The following FBXO34 variants were observed in gnomAD, a reference collection of about 807,000 sequenced individuals.
FBXO34 encodes F-box only protein 34.
Under a neutral mutation model 24.5 loss-of-function variants are expected in FBXO34, and 12 were observed. The observed-to-expected ratio is 0.49, with a 90% confidence interval of 0.31 to 0.79. The LOEUF is 0.79. FBXO34 is among the 30% of genes least tolerant of loss of function. The probability of loss-of-function intolerance (pLI) is 0.04; values close to 1 mark genes in which losing one functional copy is unlikely to be tolerated. For synonymous variants in FBXO34, 320 were observed against 311.9 expected (o/e 1.03, Z -0.27); for missense variants, 823 against 857.7 (o/e 0.96, Z 0.51).
At chr14:55,311,069 A>G (rs1882722102) in intron 1 of FBXO34, among the ~76,000 whole-genome samples, 1 of 152,248 alleles carries the variant, frequency 6.6e-6, no homozygotes, top group African/African-American at 2.4e-5. Context: ...ACTGCTGCAA[A>G]AAAACTGCCT....
chr14:55,357,892 G>A (rs1884544320), downstream of FBXO34, among the ~76,000 whole-genome samples: 1 of 152,228 alleles, frequency 6.6e-6, no homozygotes, highest in African/African-American at 2.4e-5. Context: ...CCAAACATGA[G>A]TAAAATGGAA....
intron 1 of FBXO34, among the ~76,000 whole-genome samples, chr14:55,345,362 C>G (rs1012836993): frequency 6.6e-6 from 1 of 152,180 alleles, no homozygotes; most frequent in African/African-American, 2.4e-5. Flanking sequence ...AACTTAGACT[C>G]TCTTTATTTC....
At chr14:55,276,124 C>A (rs1265372180) in intron 1 of FBXO34, among the ~76,000 whole-genome samples, 2 of 152,162 alleles carry the variant, frequency 1.3e-5, no homozygotes, top group Non-Finnish European at 2.9e-5. Flanking sequence ...AATACCTTTT[C>A]TCCTTTTCTT....
intron 1 of FBXO34, among the ~76,000 whole-genome samples, chr14:55,291,206 G>C (rs994434139): frequency 2.6e-5 from 4 of 152,092 alleles, no homozygotes; most frequent in African/African-American, 9.7e-5. Context: ...CAATACACTT[G>C]TTTTCTCATA....
the FBXO34 span, chr14:55,377,723 T>C: frequency 3.6e-4 from 297 of 823,562 alleles, 3 homozygotes; most frequent in African/African-American, 4.5e-3. Context: ...TTTGAGGAGT[T>C]TGGGATTAGG....
At position 55,350,377 on chromosome 14, in the gene FBXO34, A is replaced by G. The variant is rs116040490; in HGVS notation, c.-10-4A>G. On this transcript the variant is annotated splice_polypyrimidine_tract_variant and splice_region_variant and intron_variant, in intron 1 of 1. Coordinates refer to ENST00000313833, the MANE Select transcript of FBXO34 (RefSeq NM_017943.4). ...TGAATCAAATGTGTATTTCTTTCCT[A>G]TAGGGGCTTTGTTATGCACCTAAAG... 9.5e-5 allele frequency: 144 copies of G among 1,514,968 alleles called. No homozygotes were observed. The African/African-American group carries it at 1.5e-3, about 16-fold the overall frequency. The allele number at this position is 1,514,968 out of a possible 1,614,324, so 93.8% of individuals were successfully genotyped here.
the FBXO34 span, among the ~76,000 whole-genome samples, chr14:55,376,753 T>C: frequency 6.6e-6 from 1 of 152,208 alleles, no homozygotes; most frequent in Non-Finnish European, 1.5e-5. Context: ...TCTTGAGTTC[T>C]CTTTCAAAAG....
the FBXO34 span, among the ~76,000 whole-genome samples, chr14:55,396,701 C>T: frequency 6.6e-6 from 1 of 152,170 alleles, no homozygotes; most frequent in Non-Finnish European, 1.5e-5. Context: ...TAAAGAGAAA[C>T]TGAATGAAGG....
Position 55,335,590 on chromosome 14 carries a change from TTGAC to T in FBXO34, c.-10-14788_-10-14785del, listed in dbSNP as rs532445052. 9.5e-4 allele frequency among the ~76,000 whole-genome samples: 145 copies of T among 152,326 alleles called. 1 individual carries two copies. The highest frequency in any genetic ancestry group is 1.4e-3 in the Non-Finnish European group (98 of 68,034). The stretch of plus-strand genomic sequence containing the variant: ...ACTTTTAGGCAACTCATTTGACTAT[TTGAC>T]TGTTTGTTACATGAGTGTGCATTTG... On this transcript the variant is annotated intron_variant, in intron 1 of 1. Coordinates refer to ENST00000313833, the MANE Select transcript of FBXO34 (RefSeq NM_017943.4).
chr14:55,440,622 G>C, the FBXO34 span: 5 of 1,445,914 alleles, frequency 3.5e-6, no homozygotes, highest in Non-Finnish European at 4.6e-6. Context: ...AGCGTTGGGC[G>C]ATGGGCTTGG....
chr14:55,369,881 TC>T, downstream of FBXO34: 1 of 1,613,964 alleles, frequency 6.2e-7, no homozygotes, highest in Non-Finnish European at 8.5e-7. Context: ...ATCCACAAAT[TC>T]CATGGACTCC....
chr14:55,436,545 A>G, the FBXO34 span: 1 of 1,608,182 alleles, frequency 6.2e-7, no homozygotes, highest in Non-Finnish European at 8.5e-7. Flanking sequence ...CAATTAAAAC[A>G]AAAATAAAAA....
At chr14:55,340,762 T>C (rs976218469) in intron 1 of FBXO34, among the ~76,000 whole-genome samples, 4 of 152,206 alleles carry the variant, frequency 2.6e-5, no homozygotes, top group Non-Finnish European at 5.9e-5. Flanking sequence ...TTAGTAGCTG[T>C]ACTCTTATTT....
chr14:55,368,973 GAA>G (rs776412146), downstream of FBXO34: 199 of 152,598 alleles, frequency 1.3e-3, no homozygotes, highest in Non-Finnish European at 2.6e-4. Flanking sequence ...GGGTCCTAAA[GAA>G]AAAGACTTTC....
chr14:55,439,877 G>C, the FBXO34 span, among the ~76,000 whole-genome samples: 1 of 141,160 alleles, frequency 7.1e-6, no homozygotes, highest in Non-Finnish European at 1.5e-5. Context: ...CTTGCAGTGA[G>C]CCGAGATCGC....
At chr14:55,275,893 A>C (rs1468534913) in intron 1 of FBXO34, among the ~76,000 whole-genome samples, 2 of 151,640 alleles carry the variant, frequency 1.3e-5, no homozygotes, top group Non-Finnish European at 2.9e-5. Flanking sequence ...GTTAAAGGTC[A>C]ATTTAAGGAG....
chr14:55,386,168 C>T, the FBXO34 span: 2 of 1,267,370 alleles, frequency 1.6e-6, no homozygotes, highest in Non-Finnish European at 1.1e-6. Flanking sequence ...CTCCACCCCA[C>T]AAACATGCGT....
At position 55,323,022 on chromosome 14, in the gene FBXO34, A is replaced by AAAAAAAC. The variant is rs1186061540; in HGVS notation, c.-10-27353_-10-27352insCAAAAAA. On this transcript the variant is annotated intron_variant, in intron 1 of 1. Coordinates refer to ENST00000313833, the MANE Select transcript of FBXO34 (RefSeq NM_017943.4). ...CCCCATCTCTACTAAAAATACAAAA[A>AAAAAAAC]AAAAAAAAAAAGCAAAAACGGGCAT... Among the ~76,000 whole-genome samples the AAAAAAAC allele has an allele frequency of 8.1e-3, 968 of 119,114 alleles. 14 individuals are homozygous for AAAAAAAC. The highest frequency in any genetic ancestry group is 0.011 in the African/African-American group (354 of 31,264). 78.1% of individuals were successfully genotyped at this position (119,114 alleles called of 152,430 possible). A position where few individuals can be genotyped will look rare whatever the true frequency, so the allele number is the denominator to read the frequency against.
the FBXO34 span, among the ~76,000 whole-genome samples, chr14:55,439,793 T>A: frequency 6.6e-6 from 1 of 151,254 alleles, no homozygotes; most frequent in African/African-American, 2.4e-5. Flanking sequence ...TAGCCGGGCG[T>A]AGTGGCGGGC....
Sources: allele counts gnomAD v4.1 joint callset (sites outside exome capture counted in the v4.1 genomes callset), GRCh38; gene constraint gnomAD v4.1.1; transcripts MANE v1.5; gene names NCBI Gene and HGNC (gene_info 2026-07-23, HGNC 2026-07-21).